The following NMNAT2 variants were observed in gnomAD, a reference collection of about 807,000 sequenced individuals.
NMNAT2 encodes nicotinamide/nicotinic acid mononucleotide adenylyltransferase 2.
In NMNAT2, 11 loss-of-function variants were observed where a neutral mutation model predicts 41.6. The ratio of observed to expected loss-of-function variants is 0.26; its 90% CI spans 0.17 to 0.44. The LOEUF (loss-of-function observed/expected upper bound fraction) is 0.44. NMNAT2 is among the 20% of genes least tolerant of loss of function. NMNAT2 has a pLI of 1.00. For synonymous variants in NMNAT2, 148 were observed against 151.2 expected, an observed-to-expected ratio of 0.98 and a Z score of 0.16; for missense variants, 288 against 407.7, an observed-to-expected ratio of 0.71 and a Z score of 2.53.
At chr1:183,412,265 C>G (rs918382264) in intron 1 of NMNAT2, among the ~76,000 whole-genome samples, 2 of 152,236 alleles carry the variant, frequency 1.3e-5, no homozygotes, top group African/African-American at 2.4e-5. Flanking sequence ...GCTCTGTCTC[C>G]CAGGCTGGAG....
At chr1:183,307,103 A>G (rs2102321369) in intron 1 of NMNAT2, among the ~76,000 whole-genome samples, 1 of 152,038 alleles carries the variant, frequency 6.6e-6, no homozygotes, top group Middle Eastern at 3.4e-3. Context: ...TAAATCTGAG[A>G]AGATTTTCTT....
intron 8 of NMNAT2, among the ~76,000 whole-genome samples, chr1:183,276,357 C>T (rs1336268595): frequency 6.6e-6 from 1 of 152,148 alleles, no homozygotes; most frequent in African/African-American, 2.4e-5. Context: ...GCACCAGGGA[C>T]CAATCAGAAA....
At chr1:183,373,005 G>T (rs562324784) in intron 1 of NMNAT2, among the ~76,000 whole-genome samples, 1 of 152,206 alleles carries the variant, frequency 6.6e-6, no homozygotes, top group Non-Finnish European at 1.5e-5. Context: ...CCCCCAGGGA[G>T]GCCATCAAGT....
chr1:183,372,144 C>A (rs1416969854), intron 1 of NMNAT2, among the ~76,000 whole-genome samples: 1 of 152,170 alleles, frequency 6.6e-6, no homozygotes, highest in East Asian at 1.9e-4. Context: ...GTCCACTCTT[C>A]TGGAAAACAG....
chr1:183,322,955 G>A (rs1662383067), intron 1 of NMNAT2, among the ~76,000 whole-genome samples: 1 of 151,978 alleles, frequency 6.6e-6, no homozygotes, highest in Non-Finnish European at 1.5e-5. Context: ...TTCTTTAGAT[G>A]GAGTCTTGCT....
chr1:183,317,975 A>G (rs1304428730), intron 1 of NMNAT2, among the ~76,000 whole-genome samples: 1 of 152,240 alleles, frequency 6.6e-6, no homozygotes, highest in East Asian at 1.9e-4. Context: ...ACAAACAGAC[A>G]AACACAATAC....
At chr1:183,339,100 T>A (rs1389027547) in intron 1 of NMNAT2, among the ~76,000 whole-genome samples, 1 of 152,000 alleles carries the variant, frequency 6.6e-6, no homozygotes, top group Non-Finnish European at 1.5e-5. Flanking sequence ...AGTTTTGTTT[T>A]ATTTTTATTT....
At chr1:183,343,530 C>A (rs1331667981) in intron 1 of NMNAT2, among the ~76,000 whole-genome samples, 2 of 152,170 alleles carry the variant, frequency 1.3e-5, no homozygotes, top group African/African-American at 2.4e-5. Flanking sequence ...CACTAGAATG[C>A]AATTTCTATG....
chr1:183,349,024 CAG>C (rs1322640740), intron 1 of NMNAT2, among the ~76,000 whole-genome samples: 1 of 152,216 alleles, frequency 6.6e-6, no homozygotes, highest in Admixed American at 6.5e-5. Flanking sequence ...ATGTCCACTG[CAG>C]AGTGTTACCT....
At chr1:183,263,683 C>T (rs1421698654) in intron 8 of NMNAT2, among the ~76,000 whole-genome samples, 1 of 152,186 alleles carries the variant, frequency 6.6e-6, no homozygotes, top group Non-Finnish European at 1.5e-5. Context: ...TGGCAGGTGC[C>T]TGTAGTCCCA....
In NMNAT2 at chr1:183,338,509, G is replaced by A. The variant is rs188857457; in HGVS notation, c.86-44716C>T. Reference sequence around the variant, plus strand: ...CTTAACCTCATGTTCTTTTCTGTAAGATGGAAATAAGAACCTGTTCTGATG... The same window carrying A: ...CTTAACCTCATGTTCTTTTCTGTAAAATGGAAATAAGAACCTGTTCTGATG... On this transcript the variant is annotated intron_variant, in intron 1 of 10. Coordinates refer to ENST00000287713, the MANE Select transcript of NMNAT2 (RefSeq NM_015039.4). Among the ~76,000 whole-genome samples the A allele has an allele frequency of 4.6e-5, 7 of 152,284 alleles. No individual in the cohort carries two copies. The East Asian group carries it at 1.3e-3, about 29-fold the overall frequency.
rs1339514275 is a variant in NMNAT2 at position 183,249,278 on chromosome 1, C to T, written c.*3363G>A. 2.0e-5 allele frequency: 3 copies of T among 152,232 alleles called. No homozygotes were observed. Among genetic ancestry groups the T allele is most frequent in the Non-Finnish European group, 4.4e-5 (3 of 68,060 alleles). The allele number at this position is 152,232 out of a possible 1,614,324, so 9.4% of individuals were successfully genotyped here. On this transcript the variant is annotated 3_prime_UTR_variant, in exon 11 of 11. Transcript: ENST00000287713. ...TGGGGGTGTGTGACTGAGGTACCCA[C>T]TAGCAGCACAGCCCTCCCAGAGGAC...
chr1:183,354,041 T>C (rs1355753307), intron 1 of NMNAT2, among the ~76,000 whole-genome samples: 1 of 152,172 alleles, frequency 6.6e-6, no homozygotes, highest in African/African-American at 2.4e-5. Flanking sequence ...ATGAGTTTAG[T>C]AGATAAAATT....
chr1:183,352,455 C>T (rs1293552186), intron 1 of NMNAT2, among the ~76,000 whole-genome samples: 4 of 149,122 alleles, frequency 2.7e-5, no homozygotes, highest in African/African-American at 7.4e-5. Flanking sequence ...CCCAACTACT[C>T]GGGAGGCTTA....
chr1:183,295,218 C>T (rs1661657561), intron 1 of NMNAT2, among the ~76,000 whole-genome samples: 1 of 152,084 alleles, frequency 6.6e-6, no homozygotes, highest in Admixed American at 6.6e-5. Flanking sequence ...GCCAGGCTGG[C>T]CTCAAACTCC....
At chr1:183,405,259 A>G (rs1377069722) in intron 1 of NMNAT2, among the ~76,000 whole-genome samples, 1 of 152,104 alleles carries the variant, frequency 6.6e-6, no homozygotes, top group Non-Finnish European at 1.5e-5. Context: ...TCGAAACAAT[A>G]GGATTCTAGG....
At chr1:183,392,520 TC>T (rs1362462347) in intron 1 of NMNAT2, among the ~76,000 whole-genome samples, 1 of 152,198 alleles carries the variant, frequency 6.6e-6, no homozygotes, top group East Asian at 1.9e-4. Context: ...ACACTTTTCT[TC>T]AAGACCTTCA....
intron 8 of NMNAT2, among the ~76,000 whole-genome samples, chr1:183,278,345 T>G (rs2102296797): frequency 6.6e-6 from 1 of 152,276 alleles, no homozygotes; most frequent in Middle Eastern, 3.4e-3. Flanking sequence ...CCCAGGGGCT[T>G]TACTGGAGCA....
At chr1:183,380,123 G>A (rs1316171687) in intron 1 of NMNAT2, among the ~76,000 whole-genome samples, 1 of 152,208 alleles carries the variant, frequency 6.6e-6, no homozygotes, top group East Asian at 1.9e-4. Flanking sequence ...AAGGGCTCAT[G>A]AGAGAGATTT....
Sources: allele counts gnomAD v4.1 joint callset (sites outside exome capture counted in the v4.1 genomes callset), GRCh38; gene constraint gnomAD v4.1.1; transcripts MANE v1.5; gene names NCBI Gene and HGNC (gene_info 2026-07-23, HGNC 2026-07-21).